Variants in FSHR observed in about 807,000 individuals in gnomAD.
FSHR encodes follicle stimulating hormone receptor.
Under a neutral mutation model 52.1 loss-of-function variants are expected in FSHR, and 46 were observed. The observed-to-expected ratio is 0.88, with a 90% CI of 0.70 to 1.13. The LOEUF is 1.13. Among genes scored for constraint, FSHR ranks in the 50% most tolerant of loss-of-function variants. FSHR has a pLI of 0.00. For synonymous variants in FSHR, 399 were observed against 309.6 expected (o/e 1.29, Z -3.03); for missense variants, 964 against 834.6 (o/e 1.16, Z -1.91).
intron 4 of FSHR, among the ~76,000 whole-genome samples, chr2:48,999,603 A>G (rs1439227543): frequency 6.6e-6 from 1 of 152,126 alleles, no homozygotes; most frequent in Non-Finnish European, 1.5e-5. Context: ...AACCTCTAAG[A>G]TGCCTTCCAA....
chr2:49,013,955 T>A (rs369843271), intron 4 of FSHR, among the ~76,000 whole-genome samples: 1 of 152,060 alleles, frequency 6.6e-6, no homozygotes, highest in South Asian at 2.1e-4. Flanking sequence ...TCTGTGTATA[T>A]GCACCAAGGT....
chr2:48,964,600 C>G (rs4953650), intron 9 of FSHR, among the ~76,000 whole-genome samples: 2 of 151,848 alleles, frequency 1.3e-5, no homozygotes, highest in African/African-American at 4.8e-5. Flanking sequence ...TCAGCATGTG[C>G]TTGTCTGCAA....
At chr2:49,103,781 G>A (rs1001368479) in intron 1 of FSHR, among the ~76,000 whole-genome samples, 3 of 152,140 alleles carry the variant, frequency 2.0e-5, no homozygotes, top group African/African-American at 7.2e-5. Context: ...ATGATGTTCA[G>A]GGATAAGAAA....
intron 1 of FSHR, among the ~76,000 whole-genome samples, chr2:49,114,423 C>A (rs1277112171): frequency 6.6e-6 from 1 of 152,102 alleles, no homozygotes; most frequent in African/African-American, 2.4e-5. Context: ...GTTTATAAAC[C>A]ACAGTCTTGG....
chr2:49,140,854 T>C (rs1672659741), intron 1 of FSHR, among the ~76,000 whole-genome samples: 2 of 152,182 alleles, frequency 1.3e-5, no homozygotes, highest in African/African-American at 4.8e-5. Context: ...TCTAATTCAG[T>C]GAGGAGCATT....
chr2:49,085,967 G>A (rs542801473), intron 1 of FSHR, among the ~76,000 whole-genome samples: 50 of 151,934 alleles, frequency 3.3e-4, no homozygotes, highest in South Asian at 2.9e-3. Flanking sequence ...CCTGTTGTGG[G>A]GGGGGGGAGT....
intron 1 of FSHR, among the ~76,000 whole-genome samples, chr2:49,116,394 G>C (rs898442394): frequency 9.2e-5 from 14 of 152,298 alleles, no homozygotes; most frequent in African/African-American, 3.4e-4. Context: ...TAAGGTGGAG[G>C]ATGTGGGCTT....
intron 1 of FSHR, among the ~76,000 whole-genome samples, chr2:49,078,333 G>A (rs1213485695): frequency 6.6e-6 from 1 of 152,056 alleles, no homozygotes; most frequent in Non-Finnish European, 1.5e-5. Context: ...GAACAGCACG[G>A]GAAAGACCTG....
At position 49,017,477 on chromosome 2, in the gene FSHR, A is replaced by G. The variant is rs1443730701; in HGVS notation, c.374+12T>C. 1.2e-6 allele frequency: 2 copies of G among 1,601,044 alleles called. No homozygotes were observed. The highest frequency in any genetic ancestry group is 1.1e-5 in the South Asian group (1 of 90,866). ...AATCATAGTGGGGGTACCAAACTAC[A>G]TGAGTTCTTACAGATATTGAAGGTT... is the stretch of plus-strand genomic sequence containing the variant. On this transcript the variant is annotated intron_variant, in intron 4 of 9. Coordinates refer to ENST00000406846, the MANE Select transcript of FSHR (RefSeq NM_000145.4).
intron 4 of FSHR, among the ~76,000 whole-genome samples, chr2:49,007,549 G>C (rs1667114413): frequency 6.6e-6 from 1 of 152,138 alleles, no homozygotes; most frequent in South Asian, 2.1e-4. Flanking sequence ...GCAGGATAAT[G>C]TAGTTTTGCT....
chr2:49,093,789 G>A (rs2103701084), intron 1 of FSHR, among the ~76,000 whole-genome samples: 2 of 151,988 alleles, frequency 1.3e-5, no homozygotes, highest in South Asian at 4.1e-4. Context: ...TAGAGACCGA[G>A]TTTCACCATG....
chr2:49,052,529 G>A (rs1462375488), intron 2 of FSHR, among the ~76,000 whole-genome samples: 2 of 152,210 alleles, frequency 1.3e-5, no homozygotes, highest in Admixed American at 1.3e-4. Context: ...ATATCTGGAA[G>A]TGATACTTGG....
intron 2 of FSHR, among the ~76,000 whole-genome samples, chr2:49,020,507 ATTTTT>A (rs3082696): frequency 6.8e-6 from 1 of 146,968 alleles, no homozygotes. Flanking sequence ...GTCAGTAAAC[ATTTTT>A]TTTTTTTTTT....
chr2:49,025,549 T>C (rs1667887244), intron 2 of FSHR, among the ~76,000 whole-genome samples: 2 of 152,140 alleles, frequency 1.3e-5, no homozygotes, highest in Admixed American at 6.6e-5. Flanking sequence ...ATAATATGTG[T>C]AATATATATA....
chr2:49,136,402 C>T (rs12991599), intron 1 of FSHR, among the ~76,000 whole-genome samples: 40,520 of 151,878 alleles, frequency 0.27, 5,727 homozygotes, highest in East Asian at 0.47. Context: ...AAATGCCAGA[C>T]CCAGATGGCT....
chr2:49,042,724 A>G (rs1668519503), intron 2 of FSHR, among the ~76,000 whole-genome samples: 1 of 152,190 alleles, frequency 6.6e-6, no homozygotes, highest in South Asian at 2.1e-4. Flanking sequence ...AAATGTATCT[A>G]TGAGGTTTGT....
At position 49,131,980 on chromosome 2, in the gene FSHR, T is replaced by G. The variant is rs139058312; in HGVS notation, c.152+22286A>C. ...AAATATTGCTCTGCCCATCCTATCC[T>G]TATGTTATCACGTGACAACTTGAAA... On this transcript the variant is annotated intron_variant, in intron 1 of 9. Transcript: ENST00000406846. 1.2e-3 allele frequency among the ~76,000 whole-genome samples: 188 copies of G among 152,338 alleles called. 1 individual carries two copies. Among genetic ancestry groups the G allele is most frequent in the African/African-American group, 4.2e-3 (175 of 41,582 alleles).
At chr2:49,110,396 AG>A (rs1386601228) in intron 1 of FSHR, among the ~76,000 whole-genome samples, 1 of 152,134 alleles carries the variant, frequency 6.6e-6, no homozygotes. Flanking sequence ...TGCATACTAA[AG>A]TTCAGTAAGA....
intron 1 of FSHR, 80 bp from the exon 2 acceptor site, chr2:49,068,370 ACAGTTAC>A: frequency 8.6e-7 from 1 of 1,165,224 alleles, no homozygotes; most frequent in Non-Finnish European, 1.3e-6. Flanking sequence ...ATATCAGCAA[ACAGTTAC>A]CATATACTAA....
Sources: allele counts gnomAD v4.1 joint callset (sites outside exome capture counted in the v4.1 genomes callset), GRCh38; gene constraint gnomAD v4.1.1; transcripts MANE v1.5; gene names NCBI Gene and HGNC (gene_info 2026-07-23, HGNC 2026-07-21).